Variants in COL15A1 observed in about 807,000 individuals in gnomAD.
The protein encoded by COL15A1 is collagen type XV alpha 1 chain, also known as collagen alpha-1(XV) chain.
A neutral mutation model predicts 165.9 loss-of-function variants in COL15A1; 111 were observed. That is an observed-to-expected ratio of 0.67 (90% CI 0.57 to 0.78). The LOEUF is 0.78. Ranked by LOEUF, COL15A1 falls within the 30% of genes least tolerant of loss-of-function variation. The probability of loss-of-function intolerance (pLI) is 0.00; values close to 1 mark genes in which losing one functional copy is unlikely to be tolerated. For synonymous variants in COL15A1, 659 were observed against 674.8 expected, an observed-to-expected ratio of 0.98 and a Z score of 0.36; for missense variants, 1,745 against 1,789.7, an observed-to-expected ratio of 0.98 and a Z score of 0.45.
At position 99,070,135 on chromosome 9, in the gene COL15A1, G is replaced by A. The variant is rs1446400484; in HGVS notation, c.*249G>A. The A allele has an allele frequency of 2.4e-6, 1 of 412,550 alleles. No homozygotes were observed. 25.6% of individuals were successfully genotyped at this position (412,550 alleles called of 1,614,324 possible). ...TGCAGGAAACCCCAGCAGTGTGAACGCATCCCAACATAGGTTAAGAGCAAG... is the reference window on the plus strand; with the variant it reads ...TGCAGGAAACCCCAGCAGTGTGAACACATCCCAACATAGGTTAAGAGCAAG... On this transcript the variant is annotated 3_prime_UTR_variant, in exon 42 of 42. Coordinates refer to ENST00000375001, the MANE Select transcript of COL15A1 (RefSeq NM_001855.5).
chr9:98,994,902 G>C (rs1170056809), intron 5 of COL15A1, among the ~76,000 whole-genome samples: 1 of 152,090 alleles, frequency 6.6e-6, no homozygotes, highest in Non-Finnish European at 1.5e-5. Context: ...CCCTGTCCTT[G>C]CAGGGGGGTT....
intron 12 of COL15A1, 104 bp from the exon 13 acceptor site, chr9:99,021,987 C>T (rs1839035890): frequency 1.3e-6 from 2 of 1,485,112 alleles, no homozygotes; most frequent in African/African-American, 1.4e-5. Flanking sequence ...ATTTTTCTTT[C>T]CTGTGTGATC....
intron 16 of COL15A1, among the ~76,000 whole-genome samples, chr9:99,028,406 A>G (rs1449641945): frequency 6.6e-6 from 1 of 152,172 alleles, no homozygotes; most frequent in Non-Finnish European, 1.5e-5. Context: ...TAATCCCAGC[A>G]CTTTGGGAGG....
chr9:99,050,003 G>T, intron 30 of COL15A1, 108 bp downstream of exon 30: 1 of 1,462,914 alleles, frequency 6.8e-7, no homozygotes, highest in Non-Finnish European at 9.5e-7. Context: ...TGTCCTCTCT[G>T]ATGTCTTCTG....
intron 7 of COL15A1, among the ~76,000 whole-genome samples, chr9:99,002,564 G>A (rs1588510092): frequency 6.6e-6 from 1 of 152,202 alleles, no homozygotes; most frequent in African/African-American, 2.4e-5. Flanking sequence ...GTTTTAGCAT[G>A]GGGAGATTAC....
rs1839275160 is a variant in COL15A1 at position 99,035,071 on chromosome 9, C to T, written c.2137C>T (p.Pro713Ser). The change falls in exon 18 of 42, where the codon CCT (proline) becomes TCT (serine). Residue 713 changes from proline to serine, a missense_variant. Transcript: ENST00000375001. ...GPPGKKGQAG[P>S]PGVMGPPGPP... is the part of the protein sequence containing the mutation. ...CCCGGGGAAAAAGGGACAAGCTGGC[C>T]CTCCTGGGGTCATGGGACCCCCAGG... The T allele has an allele frequency of 5.6e-6, 9 of 1,610,978 alleles. No individual in the cohort carries two copies. Among genetic ancestry groups the T allele is most frequent in the Middle Eastern group, 1.6e-4 (1 of 6,078 alleles).
intron 6 of COL15A1, among the ~76,000 whole-genome samples, chr9:98,999,395 T>C (rs569864244): frequency 3.8e-4 from 57 of 151,950 alleles, no homozygotes; most frequent in African/African-American, 1.3e-3. Flanking sequence ...GTGGGAGGGG[T>C]CCCGGTGGGC....
chr9:99,004,369 G>A (rs527962734), intron 8 of COL15A1, among the ~76,000 whole-genome samples: 11 of 152,274 alleles, frequency 7.2e-5, no homozygotes, highest in African/African-American at 2.6e-4. Context: ...GTCCCAGTGA[G>A]CAAGGGGCTG....
At chr9:99,036,137 TAGA>T in intron 19 of COL15A1, 30 bp from the exon 20 acceptor site, 1 of 1,573,672 alleles carries the variant, frequency 6.4e-7, no homozygotes. Flanking sequence ...GCAAAGTGAC[TAGA>T]AGAATATTTA....
intron 21 of COL15A1, among the ~76,000 whole-genome samples, chr9:99,037,565 A>T (rs896503166): frequency 5.9e-5 from 9 of 152,226 alleles, no homozygotes; most frequent in African/African-American, 2.2e-4. Flanking sequence ...ATATTAAAAA[A>T]GTTTCTATTT....
chr9:99,048,822 C>T lies in COL15A1; in HGVS notation c.2793+822C>T, dbSNP rs555197207. ...GATACTATGCAGGGATCTTGTTTTA[C>T]ATAAGAGGATACCAGGGCCTCTAGA... On this transcript the variant is annotated intron_variant, in intron 28 of 41. Transcript: ENST00000375001. Among the ~76,000 whole-genome samples the T allele has an allele frequency of 2.6e-5, 4 of 151,530 alleles. No individual in the cohort carries two copies. In the South Asian group the frequency reaches 6.3e-4, roughly 24 times the overall value.
intron 2 of COL15A1, among the ~76,000 whole-genome samples, chr9:98,950,121 G>C (rs1264773395): frequency 6.6e-6 from 1 of 152,114 alleles, no homozygotes; most frequent in Non-Finnish European, 1.5e-5. Context: ...TCTACCTTTT[G>C]TTTTTTGTGA....
intron 5 of COL15A1, among the ~76,000 whole-genome samples, chr9:98,990,099 C>T (rs1033405568): frequency 1.3e-5 from 2 of 152,200 alleles, no homozygotes; most frequent in Non-Finnish European, 2.9e-5. Flanking sequence ...GGCAGCAGGG[C>T]TGTGCATGCA....
At chr9:99,059,308 T>C (rs1010907462) in intron 35 of COL15A1, among the ~76,000 whole-genome samples, 2 of 152,166 alleles carry the variant, frequency 1.3e-5, no homozygotes. Context: ...GAAGAAGAAA[T>C]GCCTATTTTA....
chr9:99,069,318 G>A (rs1027025697), intron 41 of COL15A1, among the ~76,000 whole-genome samples: 3 of 152,210 alleles, frequency 2.0e-5, no homozygotes, highest in Non-Finnish European at 4.4e-5. Flanking sequence ...TTTTTACTTA[G>A]GGGTGAGAAT....
intron 2 of COL15A1, among the ~76,000 whole-genome samples, chr9:98,948,979 AC>A (rs1379561324): frequency 1.3e-5 from 2 of 152,140 alleles, no homozygotes; most frequent in Admixed American, 6.5e-5. Flanking sequence ...GGTCTCCTAA[AC>A]CCCTTTGCTG....
chr9:99,023,678 C>T (rs1207841396), intron 14 of COL15A1, among the ~76,000 whole-genome samples: 1 of 152,184 alleles, frequency 6.6e-6, no homozygotes, highest in Non-Finnish European at 1.5e-5. Context: ...CATTTATCTT[C>T]AGGACCTCCT....
intron 2 of COL15A1, among the ~76,000 whole-genome samples, chr9:98,976,538 G>C (rs1002164819): frequency 1.3e-5 from 2 of 152,216 alleles, no homozygotes; most frequent in Admixed American, 6.5e-5. Flanking sequence ...AGATGGGAGG[G>C]AACGTGGACT....
At chr9:98,983,265 A>G (rs1039931288) in intron 2 of COL15A1, among the ~76,000 whole-genome samples, 8 of 152,116 alleles carry the variant, frequency 5.3e-5, no homozygotes, top group African/African-American at 1.9e-4. Flanking sequence ...ATACATACCC[A>G]TTCATGGGAA....
Sources: allele counts gnomAD v4.1 joint callset (sites outside exome capture counted in the v4.1 genomes callset), GRCh38; gene constraint gnomAD v4.1.1; transcripts MANE v1.5; gene names NCBI Gene and HGNC (gene_info 2026-07-23, HGNC 2026-07-21).